KTN1: variants seen among roughly 807,000 people sequenced by gnomAD.
The protein encoded by KTN1 is kinectin.
Under a neutral mutation model 222.5 loss-of-function variants are expected in KTN1, and 130 were observed. The ratio of observed to expected loss-of-function variants is 0.58; its 90% confidence interval spans 0.51 to 0.68. The LOEUF is 0.68. Among genes scored for constraint, KTN1 ranks in the 30% least tolerant of loss-of-function variants. KTN1 has a pLI of 0.00. For synonymous variants in KTN1, 512 were observed against 496.3 expected (o/e 1.03, Z -0.42); for missense variants, 1,508 against 1,500.4 (o/e 1.01, Z -0.08).
intron 3 of KTN1, among the ~76,000 whole-genome samples, chr14:55,617,075 C>A (rs1394023249): frequency 6.6e-6 from 1 of 152,106 alleles, no homozygotes; most frequent in African/African-American, 2.4e-5. Flanking sequence ...GTGTATATGG[C>A]AAGCATCAGA....
intron 1 of KTN1, among the ~76,000 whole-genome samples, chr14:55,610,508 G>A (rs2037385943): frequency 6.6e-6 from 1 of 152,082 alleles, no homozygotes. Flanking sequence ...TAAGTTACCC[G>A]TTTAGGTAGA....
chr14:55,602,469 A>G (rs547466472), intron 1 of KTN1, among the ~76,000 whole-genome samples: 1 of 152,336 alleles, frequency 6.6e-6, no homozygotes, highest in Admixed American at 6.5e-5. Context: ...ATTTGTGAAC[A>G]CTGTCAAATA....
chr14:55,639,317 GAC>G, intron 13 of KTN1, 95 bp downstream of exon 13: 1 of 668,068 alleles, frequency 1.5e-6, no homozygotes, highest in Non-Finnish European at 2.4e-6. Flanking sequence ...TACCTCTGAC[GAC>G]CTGTTCAGAA....
chr14:55,661,930 C>T, intron 32 of KTN1: 1 of 179,276 alleles, frequency 5.6e-6, no homozygotes, highest in Non-Finnish European at 1.2e-5. Context: ...ACATGTTTTT[C>T]AGCTTGGTAT....
intron 1 of KTN1, among the ~76,000 whole-genome samples, chr14:55,593,721 T>C (rs2034550254): frequency 6.6e-6 from 1 of 152,126 alleles, no homozygotes; most frequent in Non-Finnish European, 1.5e-5. Context: ...TTTAATTTGC[T>C]ATGACATTGG....
At chr14:55,678,465 C>G in intron 42 of KTN1, 21 bp downstream of exon 42, 1 of 1,454,966 alleles carries the variant, frequency 6.9e-7, no homozygotes, top group African/African-American at 1.4e-5. Context: ...TCTTCATCCC[C>G]AGATCTCTGA....
intron 1 of KTN1, among the ~76,000 whole-genome samples, chr14:55,589,512 G>C (rs1463603221): frequency 6.6e-6 from 1 of 151,948 alleles, no homozygotes; most frequent in Admixed American, 6.6e-5. Flanking sequence ...GTTTCATCTT[G>C]TTGGCCAAGC....
chr14:55,636,543 G>C lies in KTN1; in HGVS notation c.1549+7G>C. 2 of 1,595,610 alleles carry C rather than the reference G, an allele frequency of 1.3e-6. No homozygotes were observed. The highest frequency in any genetic ancestry group is 3.4e-5 in the Admixed American group (2 of 58,618). On this transcript the variant is annotated splice_region_variant and intron_variant, in intron 10 of 43. Coordinates refer to ENST00000395314, the MANE Select transcript of KTN1 (RefSeq NM_001079521.2). ...CATGAGGCAGCACAGCAAGGTAAGG[G>C]GAAGAAGTATTCATGTAAACTTTGT...
At chr14:55,651,853 G>A in intron 24 of KTN1, 37 bp from the exon 25 acceptor site, 7 of 1,345,388 alleles carry the variant, frequency 5.2e-6, no homozygotes, top group Non-Finnish European at 7.4e-6. Flanking sequence ...TAAATTGAAA[G>A]GATTATTAAT....
At chr14:55,611,981 C>CTTT (rs1555363594) in intron 1 of KTN1, 38 bp from the exon 2 acceptor site, 8 of 768,298 alleles carry the variant, frequency 1.0e-5, no homozygotes, top group South Asian at 4.1e-5. Context: ...CTGACAGGTT[C>CTTT]TTTTTTTTTT....
chr14:55,606,941 A>C (rs1156248540), intron 1 of KTN1, among the ~76,000 whole-genome samples: 1 of 152,144 alleles, frequency 6.6e-6, no homozygotes, highest in Non-Finnish European at 1.5e-5. Context: ...AATCTTAATT[A>C]TTTTAAATGG....
rs774422431 is a variant in KTN1, at chr14:55,650,555, T to G, written c.2497-14T>G. 1 of 1,603,494 alleles carries G rather than the reference T, an allele frequency of 6.2e-7. No individual in the cohort carries two copies. Among genetic ancestry groups the G allele is most frequent in the South Asian group, 1.1e-5 (1 of 90,458 alleles). ...TTTCCATTGTCCAATCTTGTCTGTTTTGTCATTGTCAAGGATTTGAAACAG... is the reference window on the plus strand; with the variant it reads ...TTTCCATTGTCCAATCTTGTCTGTTGTGTCATTGTCAAGGATTTGAAACAG... On this transcript the variant is annotated splice_polypyrimidine_tract_variant and intron_variant, in intron 23 of 43. Coordinates refer to ENST00000395314, the MANE Select transcript of KTN1 (RefSeq NM_001079521.2).
At chr14:55,654,034 G>A (rs1442157456) in intron 28 of KTN1, among the ~76,000 whole-genome samples, 1 of 152,016 alleles carries the variant, frequency 6.6e-6, no homozygotes, top group Admixed American at 6.6e-5. Flanking sequence ...TTTATTTATA[G>A]GGAAAATGGA....
At chr14:55,600,716 A>AT (rs1193490902) in intron 1 of KTN1, among the ~76,000 whole-genome samples, 1 of 151,672 alleles carries the variant, frequency 6.6e-6, no homozygotes, top group East Asian at 1.9e-4. Context: ...TACGGTATGA[A>AT]TTTCATGTTG....
intron 1 of KTN1, among the ~76,000 whole-genome samples, chr14:55,586,336 T>C (rs1220957320): frequency 2.0e-5 from 3 of 152,194 alleles, no homozygotes; most frequent in Non-Finnish European, 2.9e-5. Flanking sequence ...TAAGGAATTA[T>C]CTTACCTCAG....
At chr14:55,638,424 T>C (rs1048678581) in intron 12 of KTN1, among the ~76,000 whole-genome samples, 4 of 151,948 alleles carry the variant, frequency 2.6e-5, no homozygotes, top group African/African-American at 9.7e-5. Context: ...GCTTCAGTTT[T>C]TCAACTTGAA....
intron 17 of KTN1, 88 bp downstream of exon 17, chr14:55,641,296 A>T: frequency 1.4e-6 from 1 of 732,310 alleles, no homozygotes; most frequent in Non-Finnish European, 2.3e-6. Context: ...TACGTTTTGT[A>T]TGAAGTCACT....
chr14:55,586,807 A>C (rs1314611093), intron 1 of KTN1, among the ~76,000 whole-genome samples: 1 of 152,188 alleles, frequency 6.6e-6, no homozygotes, highest in South Asian at 2.1e-4. Context: ...AAAATGTTTT[A>C]GTTATATGGA....
chr14:55,584,701 T>G (rs1237202105), intron 1 of KTN1, among the ~76,000 whole-genome samples: 1 of 151,594 alleles, frequency 6.6e-6, no homozygotes, highest in Non-Finnish European at 1.5e-5. Context: ...TTATTGTCTC[T>G]TCCACATAAC....
Sources: gnomAD v4.1 joint callset for allele counts (sites outside exome capture counted in the v4.1 genomes callset) on GRCh38, gnomAD v4.1.1 for gene constraint, MANE v1.5 for transcripts, NCBI Gene and HGNC (gene_info 2026-07-23, HGNC 2026-07-21) for gene names.